The following IFITM10 variants were observed in gnomAD, a reference collection of about 807,000 sequenced individuals.
IFITM10 encodes the protein interferon-induced transmembrane protein 10.
Under a neutral mutation model 19.0 loss-of-function variants are expected in IFITM10, and 17 were observed. The observed-to-expected ratio is 0.90, with a 90% CI of 0.61 to 1.34. The LOEUF is 1.34. IFITM10 is among the 40% of genes most tolerant of loss of function. The probability of loss-of-function intolerance (pLI) is 0.00; values close to 1 mark genes in which losing one functional copy is unlikely to be tolerated. For missense variants in IFITM10, 306 were observed against 319.8 expected, an observed-to-expected ratio of 0.96 and a Z score of 0.33; for synonymous variants, 148 against 147.2, an observed-to-expected ratio of 1.01 and a Z score of -0.04.
rs573125773 is a variant in IFITM10, at chr11:1,736,667, G to A, written c.538-1238C>T. On this transcript the variant is annotated intron_variant, in intron 2 of 2. Transcript: ENST00000340134. The stretch of plus-strand genomic sequence containing the variant: ...TGGAGTGAAGTGGGTGGAATGGATG[G>A]AGTGAAGTGGGTGGAATGGATGGAG... 3.9e-5 allele frequency among the ~76,000 whole-genome samples: 6 copies of A among 151,952 alleles called. No homozygotes were observed. The East Asian group carries it at 1.2e-3, about 29-fold the overall frequency.
In IFITM10 at chr11:1,734,234, G is replaced by C. The variant is rs1851058968; in HGVS notation, c.*1046C>G. ...CCCCATGACTGTGCCTGAGTTCCAA[G>C]GGGACAGAGCCCATCCCTGCATCCT... On this transcript the variant is annotated 3_prime_UTR_variant, in exon 3 of 3. Coordinates refer to ENST00000340134, the MANE Select transcript of IFITM10 (RefSeq NM_001170820.4). The C allele has an allele frequency of 6.6e-6, 1 of 152,286 alleles. No individual in the cohort carries two copies. Among genetic ancestry groups the C allele is most frequent in the Non-Finnish European group, 1.5e-5 (1 of 68,104 alleles). 9.4% of individuals were successfully genotyped at this position (152,286 alleles called of 1,614,324 possible).
intron 2 of IFITM10, among the ~76,000 whole-genome samples, chr11:1,740,983 A>T (rs1845564630): frequency 6.6e-6 from 1 of 151,884 alleles, no homozygotes; most frequent in African/African-American, 2.4e-5. Flanking sequence ...GCCATGTGAG[A>T]TGCCTGCTCC....
At chr11:1,749,589 C>T (rs1461853501) in intron 1 of IFITM10, among the ~76,000 whole-genome samples, 1 of 151,994 alleles carries the variant, frequency 6.6e-6, no homozygotes, top group Non-Finnish European at 1.5e-5. Flanking sequence ...GGACCCCCGC[C>T]CCTGGGTCCT....
chr11:1,736,123 C>T (rs972895388), intron 2 of IFITM10, among the ~76,000 whole-genome samples: 2 of 152,162 alleles, frequency 1.3e-5, no homozygotes, highest in Admixed American at 1.3e-4. Context: ...CAAATATGTG[C>T]GTGTTTGCTG....
chr11:1,734,292 G>C lies in IFITM10; in HGVS notation c.*988C>G, dbSNP rs1851059588. The C allele has an allele frequency of 6.6e-6, 1 of 152,226 alleles. No individual in the cohort carries two copies. The highest frequency in any genetic ancestry group is 2.4e-5 in the African/African-American group (1 of 41,444). 9.4% of individuals were successfully genotyped at this position (152,226 alleles called of 1,614,324 possible). A position where few individuals can be genotyped will look rare whatever the true frequency, so the allele number is the denominator to read the frequency against. ...ACATTGTGGACTGCACATGCCATGG[G>C]CCGTCAGGGCGCTGGCCTCGGCCTT... On this transcript the variant is annotated 3_prime_UTR_variant, in exon 3 of 3. Transcript: ENST00000340134.
At position 1,735,052 on chromosome 11, in the gene IFITM10, C is replaced by T. The variant is rs1359647742; in HGVS notation, c.*228G>A. 3.1e-5 allele frequency: 17 copies of T among 546,062 alleles called. No homozygotes were observed. Among genetic ancestry groups the T allele is most frequent in the Non-Finnish European group, 9.7e-6 (3 of 309,746 alleles). 33.8% of individuals were successfully genotyped at this position (546,062 alleles called of 1,614,324 possible). A position where few individuals can be genotyped will look rare whatever the true frequency, so the allele number is the denominator to read the frequency against. ...GGGAGAAGCCCCCAGGCCCCAGACA[C>T]AGGCAGGGTGGAGGCCAGGAGGCGG... On this transcript the variant is annotated 3_prime_UTR_variant, in exon 3 of 3. Coordinates refer to ENST00000340134, the MANE Select transcript of IFITM10 (RefSeq NM_001170820.4).
chr11:1,740,227 G>T (rs1845546644), intron 2 of IFITM10, among the ~76,000 whole-genome samples: 2 of 150,396 alleles, frequency 1.3e-5, no homozygotes, highest in Admixed American at 1.3e-4. Flanking sequence ...TTGAACTCAG[G>T]AGGCGTAGGT....
rs375708515 is a variant in IFITM10, at chr11:1,735,983, G to A, written c.538-554C>T. ...GGGGAGGAATATTAAGGCGAAAGGA[G>A]TGGGCTGGCACTCAGGAAGTCTTGG... is the stretch of plus-strand genomic sequence containing the variant. On this transcript the variant is annotated intron_variant, in intron 2 of 2. Transcript: ENST00000340134. 2.4e-4 allele frequency among the ~76,000 whole-genome samples: 36 copies of A among 152,318 alleles called. 1 individual carries two copies. Among genetic ancestry groups the A allele is most frequent in the African/African-American group, 8.4e-4 (35 of 41,576 alleles).
Position 1,735,144 on chromosome 11 carries a change from C to T in IFITM10, c.*136G>A. ...ACTCAGCTTCTGATGGCCTTGCTGC[C>T]CAGTTCACAGCTCAAGGGGGCCCCA... On this transcript the variant is annotated 3_prime_UTR_variant, in exon 3 of 3. Coordinates refer to ENST00000340134, the MANE Select transcript of IFITM10 (RefSeq NM_001170820.4). The T allele has an allele frequency of 1.1e-6, 1 of 878,026 alleles. No homozygotes were observed. The highest frequency in any genetic ancestry group is 1.8e-5 in the South Asian group (1 of 56,816). 54.4% of individuals were successfully genotyped at this position (878,026 alleles called of 1,614,324 possible).
At chr11:1,736,649 A>C (rs1305412660) in intron 2 of IFITM10, among the ~76,000 whole-genome samples, 1 of 145,242 alleles carries the variant, frequency 6.9e-6, no homozygotes, top group Non-Finnish European at 1.5e-5. Context: ...GGATGGAGTG[A>C]AGTGGGTGGA....
intron 2 of IFITM10, chr11:1,746,156 A>G (rs1299554510): frequency 6.3e-6 from 1 of 158,614 alleles, no homozygotes; most frequent in Non-Finnish European, 1.4e-5. Context: ...TACACACACC[A>G]TGCACACATG....
intron 2 of IFITM10, among the ~76,000 whole-genome samples, chr11:1,741,266 C>T (rs772231445): frequency 6.6e-6 from 1 of 151,662 alleles, no homozygotes; most frequent in Non-Finnish European, 1.5e-5. Context: ...GTTAGGGAGT[C>T]AAAAGCAATT....
In IFITM10 at chr11:1,734,994, C is replaced by G; in HGVS notation, c.*286G>C. 2.2e-6 allele frequency: 1 copy of G among 450,558 alleles called. No homozygotes were observed. Among genetic ancestry groups the G allele is most frequent in the African/African-American group, 2.0e-5 (1 of 50,238 alleles). 27.9% of individuals were successfully genotyped at this position (450,558 alleles called of 1,614,324 possible). ...GGGAAGGGGCACGTGAGGGCAGGGA[C>G]ACAGACGCTGGAAGCCAGGGTGCAG... On this transcript the variant is annotated 3_prime_UTR_variant, in exon 3 of 3. Transcript: ENST00000340134.
chr11:1,743,793 A>T (rs1845601041), intron 2 of IFITM10, among the ~76,000 whole-genome samples: 1 of 151,898 alleles, frequency 6.6e-6, no homozygotes, highest in Non-Finnish European at 1.5e-5. Flanking sequence ...CTGGGACTTG[A>T]ACCTTCTGCC....
chr11:1,746,219 T>G (rs528543654), intron 2 of IFITM10: 3 of 208,736 alleles, frequency 1.4e-5, no homozygotes, highest in African/African-American at 7.3e-5. Flanking sequence ...ACACACGCCC[T>G]CACACACTTG....
intron 1 of IFITM10, chr11:1,749,168 G>T: frequency 1.1e-6 from 1 of 890,342 alleles, no homozygotes; most frequent in Non-Finnish European, 1.3e-6. Context: ...CGGCGGCGCC[G>T]CTGCCTCCCC....
chr11:1,736,943 C>T (rs560591133), intron 2 of IFITM10, among the ~76,000 whole-genome samples: 2 of 152,144 alleles, frequency 1.3e-5, no homozygotes, highest in African/African-American at 4.8e-5. Flanking sequence ...TTGTACAGAA[C>T]GTGCTATCAA....
At chr11:1,745,604 C>G (rs1424615434) in intron 2 of IFITM10, 1 of 152,370 alleles carries the variant, frequency 6.6e-6, no homozygotes, top group South Asian at 2.1e-4. Flanking sequence ...CAGTCAGGTA[C>G]ATACATCACA....
chr11:1,739,390 C>T (rs1268023995), intron 2 of IFITM10, among the ~76,000 whole-genome samples: 1 of 152,172 alleles, frequency 6.6e-6, no homozygotes, highest in East Asian at 1.9e-4. Flanking sequence ...AGACAGATTC[C>T]TTAATCAATC....
Sources: gnomAD v4.1 joint callset for allele counts (sites outside exome capture counted in the v4.1 genomes callset) on GRCh38, gnomAD v4.1.1 for gene constraint, MANE v1.5 for transcripts, NCBI Gene and HGNC (gene_info 2026-07-23, HGNC 2026-07-21) for gene names.